SFPQ: variants seen among roughly 807,000 people sequenced by gnomAD.
SFPQ encodes splicing factor, proline- and glutamine-rich.
Under a neutral mutation model 72.9 loss-of-function variants are expected in SFPQ, and 11 were observed. The observed-to-expected ratio is 0.15, with a 90% CI of 0.09 to 0.25. The LOEUF is 0.25. SFPQ is among the 10% of genes least tolerant of loss of function. The pLI is 1.00. For synonymous variants in SFPQ, 506 were observed against 367.3 expected (o/e 1.38, Z -4.32); for missense variants, 847 against 993.3 (o/e 0.85, Z 1.98).
At chr1:35,190,368 G>A in intron 4 of SFPQ, 130 bp downstream of exon 4, 1 of 655,804 alleles carries the variant, frequency 1.5e-6, no homozygotes, top group Non-Finnish European at 2.7e-6. Context: ...CTCAGCCTGA[G>A]ATTTTTTACT....
downstream of SFPQ, chr1:35,180,190 G>GA: frequency 9.5e-7 from 1 of 1,051,486 alleles, no homozygotes; most frequent in Non-Finnish European, 1.1e-6. Flanking sequence ...TTACAGAGCA[G>GA]AAACATTATA....
At chr1:35,180,756 T>A, downstream of SFPQ, 1 of 1,061,250 alleles carries the variant, frequency 9.4e-7, no homozygotes, top group Non-Finnish European at 1.1e-6. Context: ...AGACTAATTA[T>A]CACATGCTAT....
chr1:35,184,602 A>G lies in SFPQ; in HGVS notation c.1987-9T>C. ...CCAAAGCGCTCAGTACGCTATTGGA[A>G]CAGTAATTAACAGTTCATTATAAGT... On this transcript the variant is annotated splice_polypyrimidine_tract_variant and intron_variant, in intron 9 of 9. Coordinates refer to ENST00000357214, the MANE Select transcript of SFPQ (RefSeq NM_005066.3). 6.4e-7 allele frequency: 1 copy of G among 1,552,046 alleles called. No individual in the cohort carries two copies.
In SFPQ at chr1:35,188,983, A is replaced by C. The variant is rs199976067; in HGVS notation, c.1697+20T>G. ...AAAGAAAAAAATAAATGAAGGCTTAAACCTTAAACACAATTTTACCTCAAT... is the reference window on the plus strand; with the variant it reads ...AAAGAAAAAAATAAATGAAGGCTTACACCTTAAACACAATTTTACCTCAAT... On this transcript the variant is annotated intron_variant, in intron 6 of 9. Transcript: ENST00000357214. The C allele has an allele frequency of 4.3e-5, 69 of 1,591,838 alleles. No individual in the cohort carries two copies. The African/African-American group carries it at 7.9e-4, about 18-fold the overall frequency.
downstream of SFPQ, chr1:35,180,505 C>CAG: frequency 9.5e-7 from 1 of 1,050,776 alleles, no homozygotes; most frequent in African/African-American, 1.7e-5. Context: ...CACCTTCCCC[C>CAG]AGGTTTAGAG....
chr1:35,187,369 T>C (rs1421562986), intron 7 of SFPQ, 118 bp from the exon 8 acceptor site: 16 of 943,912 alleles, frequency 1.7e-5, no homozygotes, highest in South Asian at 1.5e-4. Flanking sequence ...AAGTTCATCA[T>C]GTGAATTATT....
downstream of SFPQ, chr1:35,181,975 TA>T: frequency 2.0e-6 from 2 of 985,280 alleles, no homozygotes; most frequent in South Asian, 9.4e-5. Flanking sequence ...CAGTCCACAG[TA>T]AGGGTATCAA....
chr1:35,192,748 G>A lies in SFPQ; in HGVS notation c.302C>T (p.Pro101Leu). The A allele has an allele frequency of 1.3e-6, 2 of 1,495,950 alleles. No individual in the cohort carries two copies. Among genetic ancestry groups the A allele is most frequent in the Non-Finnish European group, 1.8e-6 (2 of 1,128,792 alleles). 92.7% of individuals were successfully genotyped at this position (1,495,950 alleles called of 1,614,324 possible). The change falls in exon 1 of 10, where the codon CCA becomes CTA. Residue 101 changes from proline to leucine, a missense_variant. Pro to Leu is a moderately conservative substitution (Grantham distance 98). Coordinates refer to ENST00000357214, the MANE Select transcript of SFPQ (RefSeq NM_005066.3). ...GGGCTTGGAAGAGTCCTGCGGCGGT[G>A]GCGGCGGCTGCTGCTGCTGATGCGG... ...PQPHQQQQPP[P>L]PPQDSSKPVV... is the part of the protein sequence containing the mutation.
chr1:35,188,629 A>C (rs906140407), intron 6 of SFPQ, among the ~76,000 whole-genome samples: 3 of 152,178 alleles, frequency 2.0e-5, no homozygotes, highest in Admixed American at 6.6e-5. Flanking sequence ...TGATCATGCC[A>C]CTGCACTTCA....
downstream of SFPQ, chr1:35,179,047 G>C: frequency 1.9e-6 from 2 of 1,059,028 alleles, no homozygotes; most frequent in African/African-American, 1.6e-5. Flanking sequence ...CAAATCCTCT[G>C]AATTCTTTCC....
At chr1:35,192,186 T>A in intron 1 of SFPQ, 36 bp downstream of exon 1, 1 of 1,367,406 alleles carries the variant, frequency 7.3e-7, no homozygotes, top group Non-Finnish European at 9.4e-7. Flanking sequence ...GCCGCCATCT[T>A]AGGGGAGCCG....
At chr1:35,182,111 G>A, downstream of SFPQ, 1 of 985,330 alleles carries the variant, frequency 1.0e-6, no homozygotes, top group Non-Finnish European at 1.2e-6. Context: ...CATGTAATCT[G>A]AAAAATAAAC....
chr1:35,183,528 CCTT>C lies in SFPQ; in HGVS notation c.*925_*927del, dbSNP rs985713405. 8 of 1,014,058 alleles carry C rather than the reference CCTT, an allele frequency of 7.9e-6. No individual in the cohort carries two copies. The African/African-American group carries it at 1.0e-4, about 13-fold the overall frequency. 62.8% of individuals were successfully genotyped at this position (1,014,058 alleles called of 1,614,324 possible). ...CACCGCGCCCGGCCCAGTTACTAAA[CCTT>C]CTTACTTTCAAGTTTTGTTTTTTAG... is the stretch of plus-strand genomic sequence containing the variant. On this transcript the variant is annotated 3_prime_UTR_variant, in exon 10 of 10. Coordinates refer to ENST00000357214, the MANE Select transcript of SFPQ (RefSeq NM_005066.3).
At chr1:35,179,994 T>C (rs751527057), downstream of SFPQ, 57 of 1,049,848 alleles carry the variant, frequency 5.4e-5, no homozygotes, top group Non-Finnish European at 6.5e-5. Context: ...CTAGTCATCA[T>C]TTGCTCTTTC....
rs372398534 is a variant in SFPQ at position 35,187,158 on chromosome 1, G to A, written c.1865-36C>T. The A allele has an allele frequency of 1.7e-5, 28 of 1,613,776 alleles. No individual in the cohort carries two copies. In the African/African-American group the frequency reaches 1.9e-4, roughly 11 times the overall value. On this transcript the variant is annotated intron_variant, in intron 8 of 9. Transcript: ENST00000357214. Reference sequence around the variant, plus strand: ...AAAATAGTGGTTACAACTCCACCAGGATACTACTCTCTACTTATATCATTA... The same window carrying A: ...AAAATAGTGGTTACAACTCCACCAGAATACTACTCTCTACTTATATCATTA...
At chr1:35,181,672 T>G (rs1639473910), downstream of SFPQ, 5 of 1,060,666 alleles carry the variant, frequency 4.7e-6, no homozygotes, top group South Asian at 1.4e-4. Flanking sequence ...TATGAGAAAG[T>G]GGAGAAGAGG....
chr1:35,178,191 G>A (rs1052491956), downstream of SFPQ: 5 of 1,066,002 alleles, frequency 4.7e-6, no homozygotes, highest in African/African-American at 3.3e-5. Flanking sequence ...ACTTCATGGT[G>A]GGGGGGAAAT....
rs371049080 is a variant in SFPQ, at chr1:35,193,071, G to A, written c.-22C>T. On this transcript the variant is annotated 5_prime_UTR_variant, in exon 1 of 10. Coordinates refer to ENST00000357214, the MANE Select transcript of SFPQ (RefSeq NM_005066.3). ...ACATGTCTGTGGTCAAGGGGCGGTC[G>A]AGGCAAAAGCGAAGAAGACGCTCAG... 1.9e-4 allele frequency: 293 copies of A among 1,527,194 alleles called. No homozygotes were observed. The highest frequency in any genetic ancestry group is 2.4e-4 in the Non-Finnish European group (281 of 1,148,550). 94.6% of individuals were successfully genotyped at this position (1,527,194 alleles called of 1,614,324 possible).
chr1:35,191,506 G>C lies in SFPQ; in HGVS notation c.852C>G (p.Leu284=). 6.2e-7 allele frequency: 1 copy of C among 1,613,056 alleles called. No individual in the cohort carries two copies. The highest frequency in any genetic ancestry group is 8.5e-7 in the Non-Finnish European group (1 of 1,179,766). ...DSEGFKANLS[L]LRRPGEKTYT... is the part of the protein sequence containing the mutation. ...AAGTTTTCTCTCCAGGCCTCCTCAA[G>C]AGAGACAAATTGGCTTTAAACCCCT... Residue 284 remains leucine (L), a synonymous_variant, in exon 2 of 10, where the codon CTC becomes CTG. Transcript: ENST00000357214.
Sources: gnomAD v4.1 joint callset for allele counts (sites outside exome capture counted in the v4.1 genomes callset) on GRCh38, gnomAD v4.1.1 for gene constraint, MANE v1.5 for transcripts, NCBI Gene and HGNC (gene_info 2026-07-23, HGNC 2026-07-21) for gene names.